ADGRV1: variants seen among roughly 807,000 people sequenced by gnomAD.
ADGRV1 encodes adhesion G protein-coupled receptor V1, also known as G-protein coupled receptor 98.
ADGRV1 carries 359 observed loss-of-function variants against 596.2 expected under a neutral mutation model. The observed-to-expected ratio is 0.60, with a 90% CI of 0.55 to 0.66. The LOEUF (loss-of-function observed/expected upper bound fraction) is 0.66, where lower values mean the gene tolerates loss of function less well. Ranked by LOEUF, ADGRV1 falls within the 30% of genes least tolerant of loss-of-function variation. The pLI is 0.00. For synonymous variants in ADGRV1, 2,681 were observed against 2,679.2 expected, an observed-to-expected ratio of 1.00 and a Z score of -0.02; for missense variants, 7,274 against 7,575.6, an observed-to-expected ratio of 0.96 and a Z score of 1.48.
intron 31 of ADGRV1, among the ~76,000 whole-genome samples, chr5:90,691,520 G>A (rs760465809): frequency 3.3e-5 from 5 of 151,696 alleles, no homozygotes; most frequent in Non-Finnish European, 5.9e-5. Flanking sequence ...GAGTAGCTGG[G>A]ATTACAGGCA....
At chr5:91,070,346 C>T (rs1012993988) in intron 85 of ADGRV1, among the ~76,000 whole-genome samples, 4 of 152,110 alleles carry the variant, frequency 2.6e-5, no homozygotes, top group Non-Finnish European at 4.4e-5. Flanking sequence ...TTTTGGATTC[C>T]TTCTAAACAG....
intron 84 of ADGRV1, among the ~76,000 whole-genome samples, chr5:90,970,084 G>A (rs546392711): frequency 9.8e-5 from 15 of 152,342 alleles, no homozygotes; most frequent in African/African-American, 3.6e-4. Context: ...TATATCCCGT[G>A]CCTGGCTCGG....
At chr5:90,690,702 G>T (rs73193232) in intron 30 of ADGRV1, 95 bp from the exon 31 acceptor site, 56 of 1,245,292 alleles carry the variant, frequency 4.5e-5, no homozygotes, top group South Asian at 1.0e-4. Flanking sequence ...GATTGCTTAG[G>T]GGGGAAGAGA....
intron 70 of ADGRV1, among the ~76,000 whole-genome samples, chr5:90,796,291 A>T (rs1390882686): frequency 6.6e-6 from 1 of 152,182 alleles, no homozygotes; most frequent in African/African-American, 2.4e-5. Flanking sequence ...AAATGACCTG[A>T]TGGAGCTGAA....
At chr5:91,041,653 A>C (rs541181568) in intron 85 of ADGRV1, among the ~76,000 whole-genome samples, 1 of 151,784 alleles carries the variant, frequency 6.6e-6, no homozygotes, top group African/African-American at 2.4e-5. Flanking sequence ...AAAAAAAGAG[A>C]GAGAGAGAGA....
intron 83 of ADGRV1, among the ~76,000 whole-genome samples, chr5:90,896,098 T>C (rs1173111996): frequency 1.3e-5 from 2 of 152,050 alleles, no homozygotes; most frequent in Non-Finnish European, 2.9e-5. Flanking sequence ...TGTTGGATTG[T>C]GTCATTGTTA....
intron 84 of ADGRV1, among the ~76,000 whole-genome samples, chr5:90,978,184 A>G (rs531327819): frequency 1.5e-4 from 23 of 152,142 alleles, no homozygotes; most frequent in African/African-American, 5.1e-4. Flanking sequence ...AGTCCCAGCT[A>G]CTAGGGAGGC....
chr5:90,708,808 T>G lies in ADGRV1; in HGVS notation c.8731-8T>G, dbSNP rs774468910. The G allele has an allele frequency of 1.3e-6, 2 of 1,589,028 alleles. No individual in the cohort carries two copies. The highest frequency in any genetic ancestry group is 1.7e-6 in the Non-Finnish European group (2 of 1,159,348). ...ACTAAAGGAATTTAATGAGTGTAATTTTTTCAGGATGATGTACCAGAGCTA... is the reference window on the plus strand; with the variant it reads ...ACTAAAGGAATTTAATGAGTGTAATGTTTTCAGGATGATGTACCAGAGCTA... On this transcript the variant is annotated splice_region_variant and splice_polypyrimidine_tract_variant and intron_variant, in intron 38 of 89. Transcript: ENST00000405460.
intron 86 of ADGRV1, 46 bp from the exon 87 acceptor site, chr5:91,102,173 T>A (rs765377874): frequency 1.0e-5 from 16 of 1,560,046 alleles, no homozygotes; most frequent in Non-Finnish European, 1.2e-5. Context: ...TACATGTGAC[T>A]GTGCAGTATT....
chr5:90,976,322 G>GTGTGTGTGTGTGTGTATA (rs1420288881), intron 84 of ADGRV1, among the ~76,000 whole-genome samples: 3 of 108,634 alleles, frequency 2.8e-5, no homozygotes, highest in African/African-American at 1.1e-4. Flanking sequence ...GTGTGTGTGT[G>GTGTGTGTGTGTGTGTATA]TATATATATA....
In ADGRV1 at chr5:90,637,909, T is replaced by C. The variant is rs752569828; in HGVS notation, c.2201T>C (p.Ile734Thr). 2.5e-6 allele frequency: 4 copies of C among 1,613,482 alleles called. No homozygotes were observed. Among genetic ancestry groups the C allele is most frequent in the Admixed American group, 3.3e-5 (2 of 59,924 alleles). ...AACATTACTATCAAAGGTGATGACA[T>C]ACCGGAAATGAATGAAACTGTAACA... is the stretch of plus-strand genomic sequence containing the variant. ...TINITIKGDD[I>T]PEMNETVTLS... Residue 734 changes from isoleucine to threonine, a missense_variant, in exon 11 of 90, where the codon ATA becomes ACA. Ile to Thr is a moderately conservative substitution (Grantham distance 89). This residue lies in a region of ADGRV1 where 1,715 missense variants were observed against 1,708.8 expected (regional missense o/e 1.00). Transcript: ENST00000405460.
intron 1 of ADGRV1, among the ~76,000 whole-genome samples, chr5:90,611,550 C>G (rs373887396): frequency 2.0e-5 from 3 of 151,664 alleles, no homozygotes; most frequent in South Asian, 4.2e-4. Context: ...GAATATCATC[C>G]CATTAGAGAA....
At chr5:90,983,777 T>C (rs1316686242) in intron 84 of ADGRV1, among the ~76,000 whole-genome samples, 2 of 152,168 alleles carry the variant, frequency 1.3e-5, no homozygotes, top group African/African-American at 2.4e-5. Context: ...CATAGAGATA[T>C]GGAGTGCTGG....
intron 83 of ADGRV1, among the ~76,000 whole-genome samples, chr5:90,898,889 T>C (rs896034081): frequency 1.3e-5 from 2 of 151,994 alleles, no homozygotes; most frequent in African/African-American, 4.8e-5. Context: ...GAGGCTGCAG[T>C]GAGCCATGAT....
chr5:90,624,473 A>G (rs1359134252), intron 5 of ADGRV1, among the ~76,000 whole-genome samples: 2 of 152,172 alleles, frequency 1.3e-5, no homozygotes, highest in African/African-American at 4.8e-5. Context: ...TGGAGTGCTT[A>G]ATATTGCCAT....
At chr5:90,692,467 GTTCT>G in intron 31 of ADGRV1, 134 bp from the exon 32 acceptor site, 1 of 639,828 alleles carries the variant, frequency 1.6e-6, no homozygotes, top group Non-Finnish European at 2.6e-6. Flanking sequence ...TAATTGGGGA[GTTCT>G]TTTAGTCCAT....
intron 86 of ADGRV1, among the ~76,000 whole-genome samples, chr5:91,085,929 A>C (rs1032109648): frequency 3.3e-5 from 5 of 152,168 alleles, no homozygotes; most frequent in African/African-American, 1.2e-4. Context: ...TTAAGCCTTC[A>C]GAGTACCTTG....
At chr5:90,755,206 A>ATG (rs764167578) in intron 55 of ADGRV1, 21 bp downstream of exon 55, 28 of 1,546,210 alleles carry the variant, frequency 1.8e-5, no homozygotes, top group Non-Finnish European at 8.8e-7. Context: ...GCTGCAAAGA[A>ATG]TGTGATCTAA....
At chr5:91,124,396 G>A (rs972621851) in intron 87 of ADGRV1, among the ~76,000 whole-genome samples, 2 of 152,100 alleles carry the variant, frequency 1.3e-5, no homozygotes, top group African/African-American at 2.4e-5. Flanking sequence ...TCACCATTAA[G>A]TGGGGTTAAT....
Sources: gnomAD v4.1 joint callset for allele counts (sites outside exome capture counted in the v4.1 genomes callset) on GRCh38, gnomAD v4.1.1 for gene constraint, gnomAD v4.1.1 regional missense constraint, MANE v1.5 for transcripts, NCBI Gene and HGNC (gene_info 2026-07-23, HGNC 2026-07-21) for gene names.